The following KIF3C variants were observed in gnomAD, a reference collection of about 807,000 sequenced individuals.
The protein encoded by KIF3C is kinesin family member 3C, also known as kinesin-like protein KIF3C.
A neutral mutation model predicts 67.7 loss-of-function variants in KIF3C; 12 were observed. The observed-to-expected ratio is 0.18, with a 90% CI of 0.11 to 0.29. KIF3C has a LOEUF of 0.29. Ranked by LOEUF, KIF3C falls within the 10% of genes least tolerant of loss-of-function variation. The pLI, the probability that KIF3C is intolerant of heterozygous loss-of-function variation, is 1.00. For missense variants in KIF3C, 789 were observed against 1,059.6 expected (o/e 0.74, Z 3.55); for synonymous variants, 393 against 426.2 (o/e 0.92, Z 0.96).
intron 1 of KIF3C, among the ~76,000 whole-genome samples, chr2:25,967,689 G>A (rs974013797): frequency 2.0e-5 from 3 of 152,202 alleles, no homozygotes; most frequent in Non-Finnish European, 4.4e-5. Context: ...TTGTGTGCCT[G>A]TAGTTCCATC....
At chr2:25,943,454 T>G (rs1162476625) in intron 5 of KIF3C, among the ~76,000 whole-genome samples, 1 of 152,214 alleles carries the variant, frequency 6.6e-6, no homozygotes, top group Non-Finnish European at 1.5e-5. Flanking sequence ...GAATCACAAC[T>G]GGGATTTCAA....
chr2:25,978,143 A>G (rs1234071270), intron 1 of KIF3C, among the ~76,000 whole-genome samples: 2 of 152,116 alleles, frequency 1.3e-5, no homozygotes, highest in African/African-American at 4.8e-5. Context: ...GGAATCTGAG[A>G]TGCCTTGGAA....
In KIF3C at chr2:25,980,863, C is replaced by T. The variant is rs764458462; in HGVS notation, c.1055G>A (p.Ser352Asn). 3.7e-6 allele frequency: 6 copies of T among 1,614,192 alleles called. No individual in the cohort carries two copies. Among genetic ancestry groups the T allele is most frequent in the Non-Finnish European group, 5.1e-6 (6 of 1,180,034 alleles). ...LGPASHSYDESLSTLRFANRA... is the reference protein window; with the variant it reads ...LGPASHSYDENLSTLRFANRA... ...GTTGGCAAAGCGCAAGGTGGAGAGGCTCTCATCGTAGCTGTGAGAAGCTGG... is the reference window on the plus strand; with the variant it reads ...GTTGGCAAAGCGCAAGGTGGAGAGGTTCTCATCGTAGCTGTGAGAAGCTGG... The change falls in exon 1 of 8, where the codon AGC (serine) becomes AAC (asparagine). Residue 352 changes from serine (S) to asparagine (N), a missense_variant. By Grantham distance (46) the Ser-to-Asn change is conservative. Transcript: ENST00000264712. This position sits in a 1 kb window ranked among gnomAD's most constrained non-coding sequence, Gnocchi z 7.6.
At chr2:25,962,739 CTAATATATATATAATA>C (rs1663980580) in intron 1 of KIF3C, among the ~76,000 whole-genome samples, 1 of 110,712 alleles carries the variant, frequency 9.0e-6, no homozygotes, top group Non-Finnish European at 1.7e-5. Flanking sequence ...TCCACTTTAC[CTAATATATATATAATA>C]TAATATATAT....
At chr2:25,974,692 C>T (rs1664365990) in intron 1 of KIF3C, among the ~76,000 whole-genome samples, 2 of 151,920 alleles carry the variant, frequency 1.3e-5, no homozygotes, top group South Asian at 2.1e-4. Flanking sequence ...GAGGAGACCT[C>T]GATCTGGGAG....
intron 1 of KIF3C, among the ~76,000 whole-genome samples, chr2:25,974,895 G>A (rs1283055114): frequency 6.6e-6 from 1 of 151,856 alleles, no homozygotes; most frequent in Non-Finnish European, 1.5e-5. Context: ...GTGTGGTGGT[G>A]CATGCCTGTA....
rs1196000773 is a variant in KIF3C, at chr2:25,938,340, AGAGT to A, written c.2007-8281_2007-8278del. The A allele has an allele frequency of 4.3e-5, 18 of 414,116 alleles. No individual in the cohort carries two copies. In the East Asian group the frequency reaches 1.2e-3, roughly 28 times the overall value. The allele number at this position is 414,116 out of a possible 1,614,324, so 25.7% of individuals were successfully genotyped here. A position where few individuals can be genotyped will look rare whatever the true frequency, so the allele number is the denominator to read the frequency against. On this transcript the variant is annotated intron_variant, in intron 5 of 7. Transcript: ENST00000264712. ...GCCACTGCATTTCAGCCTGGGCGAC[AGAGT>A]GAGTCTGAGTCTCAAAAAAAAAAAA...
chr2:25,966,784 G>A (rs967758422), intron 1 of KIF3C, among the ~76,000 whole-genome samples: 11 of 152,170 alleles, frequency 7.2e-5, no homozygotes, highest in Non-Finnish European at 1.3e-4. Context: ...GTGACATTCC[G>A]CAGGAGACAG....
At position 25,982,302 on chromosome 2, in the gene KIF3C, TCTC is replaced by T. The variant is rs1310095301; in HGVS notation, c.-388_-386del. The T allele has an allele frequency of 9.9e-6, 4 of 402,044 alleles. No homozygotes were observed. Among genetic ancestry groups the T allele is most frequent in the African/African-American group, 6.2e-5 (3 of 48,580 alleles). The allele number at this position is 402,044 out of a possible 1,614,324, so 24.9% of individuals were successfully genotyped here. ...GATGGGGGTGGGCGGCGAGCTGTCT[TCTC>T]CTCCTTCCTCTAGGGATCCATAGCG... On this transcript the variant is annotated 5_prime_UTR_variant, in exon 1 of 8. Transcript: ENST00000264712.
At chr2:25,952,626 C>T (rs1309726635) in intron 4 of KIF3C, among the ~76,000 whole-genome samples, 1 of 150,918 alleles carries the variant, frequency 6.6e-6, no homozygotes, top group African/African-American at 2.4e-5. Flanking sequence ...GGCACGATCT[C>T]AGCTCACTGC....
intron 6 of KIF3C, 39 bp from the exon 7 acceptor site, chr2:25,929,516 A>T (rs2090440293): frequency 2.5e-6 from 4 of 1,579,022 alleles, no homozygotes; most frequent in Non-Finnish European, 2.6e-6. Context: ...AACAGTGCCC[A>T]GTCACTGTGC....
chr2:25,928,995 C>T lies in KIF3C; in HGVS notation c.2365G>A (p.Val789Met), dbSNP rs747164908. ...LASASLRPAT[V>M]ADHE ...GATGGTTGTCACTCATGGTCCGCCA[C>T]TGTTGCAGGGCGCAGAGAAGCAGAG... Residue 789 changes from valine (V) to methionine (M), a missense_variant, in exon 8 of 8, where the codon GTG (valine) becomes ATG (methionine). Transcript: ENST00000264712. The T allele has an allele frequency of 8.7e-6, 14 of 1,613,466 alleles. No homozygotes were observed. Among genetic ancestry groups the T allele is most frequent in the Admixed American group, 1.7e-5 (1 of 59,982 alleles).
At chr2:25,968,926 T>C (rs1053799921) in intron 1 of KIF3C, among the ~76,000 whole-genome samples, 2 of 151,876 alleles carry the variant, frequency 1.3e-5, no homozygotes, top group Admixed American at 1.3e-4. Context: ...CGGGTTCAAG[T>C]GATTCTCCTG....
Position 25,955,441 on chromosome 2 carries a change from G to C in KIF3C, c.1770+100C>G. The stretch of plus-strand genomic sequence containing the variant: ...AGCCATGTCACTCAGGGGTTCAGCA[G>C]TTCCAGCCAAATGGGGAGGAGTCCC... On this transcript the variant is annotated intron_variant, in intron 3 of 7. Transcript: ENST00000264712. The surrounding 1 kb of genome is among the most constrained non-coding windows in gnomAD (Gnocchi z 5.0). 1.4e-6 allele frequency: 2 copies of C among 1,464,382 alleles called. No homozygotes were observed. The highest frequency in any genetic ancestry group is 1.9e-6 in the Non-Finnish European group (2 of 1,069,516). The allele number at this position is 1,464,382 out of a possible 1,614,324, so 90.7% of individuals were successfully genotyped here. A position where few individuals can be genotyped will look rare whatever the true frequency, so the allele number is the denominator to read the frequency against.
rs1303696772 is a variant in KIF3C, at chr2:25,982,137, T to A, written c.-220A>T. ...GGTCCTCTCTGCACCGGCTGGGAGGTGAATTAGGCAGAATCCCCCAGTCGC... is the reference window on the plus strand; with the variant it reads ...GGTCCTCTCTGCACCGGCTGGGAGGAGAATTAGGCAGAATCCCCCAGTCGC... On this transcript the variant is annotated 5_prime_UTR_variant, in exon 1 of 8. Transcript: ENST00000264712. 10 of 459,574 alleles carry A rather than the reference T, an allele frequency of 2.2e-5. No homozygotes were observed. Among genetic ancestry groups the A allele is most frequent in the African/African-American group, 8.1e-5 (4 of 49,634 alleles). The allele number at this position is 459,574 out of a possible 1,614,324, so 28.5% of individuals were successfully genotyped here.
chr2:25,963,198 T>TATATATA lies in KIF3C; in HGVS notation c.1546-6755_1546-6754insTATATAT, dbSNP rs56124128. On this transcript the variant is annotated intron_variant, in intron 1 of 7. Coordinates refer to ENST00000264712, the MANE Select transcript of KIF3C (RefSeq NM_002254.8). ...TGTATATATATATATATATATATAT[T>TATATATA]TTTTTTTTTTTTTTTTTTTTTTTTA... Among the ~76,000 whole-genome samples, 39 of 26,526 alleles carry TATATATA rather than the reference T, an allele frequency of 1.5e-3. 2 individuals are homozygous for TATATATA. The highest frequency in any genetic ancestry group is 7.3e-3 in the Admixed American group (10 of 1,362). The allele number at this position is 26,526 out of a possible 152,430, so 17.4% of individuals were successfully genotyped here.
At chr2:25,938,575 C>G (rs1256382469) in intron 5 of KIF3C, among the ~76,000 whole-genome samples, 3 of 152,064 alleles carry the variant, frequency 2.0e-5, no homozygotes. Flanking sequence ...AATTGGCAGC[C>G]TGACCCAATA....
rs1454283631 is a variant in KIF3C, at chr2:25,980,651, C to T, written c.1267G>A (p.Glu423Lys). Residue 423 changes from glutamate (E) to lysine (K), a missense_variant, in exon 1 of 8, where the codon GAG (glutamate) becomes AAG (lysine). Glu to Lys is a moderately conservative substitution (Grantham distance 56). This residue lies in a region of KIF3C where 648 missense variants were observed against 807.8 expected (regional missense o/e 0.80). Coordinates refer to ENST00000264712, the MANE Select transcript of KIF3C (RefSeq NM_002254.8). The surrounding 1 kb of genome is among the most constrained non-coding windows in gnomAD (Gnocchi z 7.6). ...KAVSAPPGYP[E>K]GPVIEAWVAE... ...ACCCAGGCCTCAATCACTGGGCCCT[C>T]AGGGTACCCAGGCGGGGCGGACACG... 1 of 1,614,070 alleles carries T rather than the reference C, an allele frequency of 6.2e-7. No individual in the cohort carries two copies. The highest frequency in any genetic ancestry group is 1.1e-5 in the South Asian group (1 of 91,086).
chr2:25,980,365 G>C lies in KIF3C; in HGVS notation c.1545+8C>G. 1 of 1,607,702 alleles carries C rather than the reference G, an allele frequency of 6.2e-7. No individual in the cohort carries two copies. Among genetic ancestry groups the C allele is most frequent in the South Asian group, 1.1e-5 (1 of 90,400 alleles). On this transcript the variant is annotated splice_region_variant and intron_variant, in intron 1 of 7. Coordinates refer to ENST00000264712, the MANE Select transcript of KIF3C (RefSeq NM_002254.8). The surrounding 1 kb of genome is among the most constrained non-coding windows in gnomAD (Gnocchi z 7.6). ...ATCTCGAGTGCCCAGCTCCTCTGGG[G>C]CCCTTACCTTGTACTTGGCCGCAAG...
Sources: gnomAD v4.1 joint callset for allele counts (sites outside exome capture counted in the v4.1 genomes callset) on GRCh38, gnomAD v4.1.1 for gene constraint, gnomAD v4.1.1 regional missense constraint, Gnocchi (gnomAD v3.1) non-coding constraint, MANE v1.5 for transcripts, NCBI Gene and HGNC (gene_info 2026-07-23, HGNC 2026-07-21) for gene names.